DOCK1: variants seen among roughly 807,000 people sequenced by gnomAD.
DOCK1 encodes the protein dedicator of cytokinesis protein 1.
Under a neutral mutation model 262.7 loss-of-function variants are expected in DOCK1, and 138 were observed. The ratio of observed to expected loss-of-function variants is 0.53; its 90% CI spans 0.46 to 0.61. DOCK1 has a LOEUF of 0.61. Among genes scored for constraint, DOCK1 ranks in the 20% least tolerant of loss-of-function variants. The probability of loss-of-function intolerance (pLI) is 0.00; values close to 1 mark genes in which losing one functional copy is unlikely to be tolerated. For missense variants in DOCK1, 1,908 were observed against 2,370.7 expected, an observed-to-expected ratio of 0.80 and a Z score of 4.05; for synonymous variants, 866 against 867.4, an observed-to-expected ratio of 1.00 and a Z score of 0.03.
chr10:126,983,073 A>T (rs950487507), intron 4 of DOCK1, among the ~76,000 whole-genome samples: 3 of 152,240 alleles, frequency 2.0e-5, no homozygotes, highest in African/African-American at 7.2e-5. Flanking sequence ...ACAGGCAGAC[A>T]GAGACACATT....
intron 30 of DOCK1, among the ~76,000 whole-genome samples, chr10:127,339,733 G>GTGTGTGTGTGCA (rs71032552): frequency 0.054 from 5,895 of 108,590 alleles, 326 homozygotes; most frequent in African/African-American, 0.058. Context: ...GTGTGTGTGT[G>GTGTGTGTGTGCA]TGCATGCTGT....
At chr10:127,111,752 C>T (rs2048878315) in intron 25 of DOCK1, among the ~76,000 whole-genome samples, 1 of 152,146 alleles carries the variant, frequency 6.6e-6, no homozygotes. Context: ...AAGACACACA[C>T]AGCGACATAC....
At chr10:126,949,986 C>G (rs1373649342) in intron 1 of DOCK1, among the ~76,000 whole-genome samples, 2 of 151,918 alleles carry the variant, frequency 1.3e-5, no homozygotes, top group Admixed American at 6.6e-5. Flanking sequence ...CATTAGCCCC[C>G]CAAAGCAGGT....
intron 40 of DOCK1, among the ~76,000 whole-genome samples, chr10:127,406,064 C>T (rs1350265601): frequency 6.6e-6 from 1 of 152,114 alleles, no homozygotes; most frequent in Non-Finnish European, 1.5e-5. Flanking sequence ...TGTGTGTGTG[C>T]TCCGGAACAT....
intron 23 of DOCK1, among the ~76,000 whole-genome samples, chr10:127,064,944 A>G (rs989613140): frequency 6.6e-6 from 1 of 152,218 alleles, no homozygotes; most frequent in African/African-American, 2.4e-5. Flanking sequence ...TTCTGGGTCT[A>G]AGAATTTAAT....
intron 27 of DOCK1, among the ~76,000 whole-genome samples, chr10:127,210,549 T>C (rs2057931370): frequency 6.6e-6 from 1 of 152,236 alleles, no homozygotes; most frequent in Admixed American, 6.5e-5. Context: ...GAGGGGTTTC[T>C]TTTTCCCTCT....
chr10:127,264,279 G>T (rs1263616164), intron 29 of DOCK1, among the ~76,000 whole-genome samples: 2 of 152,282 alleles, frequency 1.3e-5, no homozygotes, highest in South Asian at 4.1e-4. Flanking sequence ...ACCAGCATTT[G>T]CATTTCCTCA....
chr10:127,397,095 G>T (rs1242760440), intron 38 of DOCK1, among the ~76,000 whole-genome samples: 2 of 145,238 alleles, frequency 1.4e-5, no homozygotes, highest in Non-Finnish European at 3.0e-5. Flanking sequence ...TATGTGATCT[G>T]AGCATCAGTT....
chr10:127,338,852 G>T (rs41282890), intron 29 of DOCK1, among the ~76,000 whole-genome samples, 154 bp from the exon 30 acceptor site: 12,008 of 152,064 alleles, frequency 0.079, 544 homozygotes, highest in African/African-American at 0.1. Flanking sequence ...ATATAATTCC[G>T]TGATCTTTTC....
intron 4 of DOCK1, among the ~76,000 whole-genome samples, chr10:126,983,651 T>C (rs2039144272): frequency 6.6e-6 from 1 of 152,170 alleles, no homozygotes; most frequent in Admixed American, 6.5e-5. Context: ...TTTTACAGGC[T>C]CTGTCTTTCT....
intron 5 of DOCK1, among the ~76,000 whole-genome samples, chr10:126,987,823 ATT>A (rs1396926838): frequency 6.6e-6 from 1 of 151,990 alleles, no homozygotes; most frequent in Non-Finnish European, 1.5e-5. Context: ...CCTGCCATGT[ATT>A]TGGGTGTATT....
intron 27 of DOCK1, among the ~76,000 whole-genome samples, chr10:127,242,284 T>A (rs1013166593): frequency 6.6e-6 from 1 of 152,242 alleles, no homozygotes; most frequent in East Asian, 1.9e-4. Context: ...TTCAGCTCTG[T>A]GCAGACTTTG....
intron 27 of DOCK1, among the ~76,000 whole-genome samples, chr10:127,167,803 A>C (rs777791435): frequency 1.3e-5 from 2 of 151,706 alleles, no homozygotes. Context: ...CCATTTAGTG[A>C]TCCTCACCAC....
intron 29 of DOCK1, among the ~76,000 whole-genome samples, chr10:127,277,211 C>G (rs757882022): frequency 3.3e-5 from 5 of 151,376 alleles, no homozygotes; most frequent in African/African-American, 4.8e-5. Context: ...AATGTAGAAG[C>G]ATTTTATCCT....
intron 32 of DOCK1, among the ~76,000 whole-genome samples, chr10:127,356,734 T>C (rs1368448018): frequency 1.3e-5 from 2 of 152,080 alleles, no homozygotes; most frequent in East Asian, 1.9e-4. Flanking sequence ...AAGGAGGTGA[T>C]ATGAGCTCCA....
intron 40 of DOCK1, 118 bp from the exon 41 acceptor site, chr10:127,408,919 T>C: frequency 7.4e-7 from 1 of 1,347,728 alleles, no homozygotes; most frequent in Non-Finnish European, 9.8e-7. Context: ...AAGTTGTTCT[T>C]AAATTTAATG....
At chr10:127,385,670 G>T (rs2134141013) in intron 38 of DOCK1, among the ~76,000 whole-genome samples, 1 of 152,344 alleles carries the variant, frequency 6.6e-6, no homozygotes, top group African/African-American at 2.4e-5. Flanking sequence ...TCATAGCTTA[G>T]TGCTGGGAGC....
intron 29 of DOCK1, among the ~76,000 whole-genome samples, chr10:127,263,266 C>G (rs562444204): frequency 1.6e-4 from 14 of 85,806 alleles, no homozygotes; most frequent in Admixed American, 1.2e-3. Context: ...GTCTCCCTAG[C>G]ATTGTCATAA....
chr10:127,235,932 T>A (rs924402196), intron 27 of DOCK1, among the ~76,000 whole-genome samples: 3 of 152,184 alleles, frequency 2.0e-5, no homozygotes, highest in African/African-American at 7.2e-5. Context: ...TGATTAAATA[T>A]CTGCTCACAT....
Sources: gnomAD v4.1 joint callset for allele counts (sites outside exome capture counted in the v4.1 genomes callset) on GRCh38, gnomAD v4.1.1 for gene constraint, MANE v1.5 for transcripts, NCBI Gene and HGNC (gene_info 2026-07-23, HGNC 2026-07-21) for gene names.